The following PCDHGB7 variants were observed in gnomAD, a reference collection of about 807,000 sequenced individuals.
PCDHGB7 encodes protocadherin gamma subfamily B, 7.
Under a neutral mutation model 61.4 loss-of-function variants are expected in PCDHGB7, and 37 were observed. That is an observed-to-expected ratio of 0.60 (90% CI 0.46 to 0.79). The LOEUF (loss-of-function observed/expected upper bound fraction) is 0.79, where lower values mean the gene tolerates loss of function less well. PCDHGB7 is among the 30% of genes least tolerant of loss of function. The pLI is 0.00. For synonymous variants in PCDHGB7, 464 were observed against 503.5 expected (o/e 0.92, Z 1.05); for missense variants, 1,166 against 1,202.5 (o/e 0.97, Z 0.45).
chr5:141,469,762 A>G (rs547099941), intron 1 of PCDHGB7, among the ~76,000 whole-genome samples: 15 of 152,360 alleles, frequency 9.8e-5, no homozygotes, highest in African/African-American at 3.4e-4. Flanking sequence ...ATACATATAT[A>G]CCAGCTTATT....
intron 1 of PCDHGB7, chr5:141,428,064 G>A: frequency 6.2e-7 from 1 of 1,609,060 alleles, no homozygotes; most frequent in East Asian, 2.2e-5. Flanking sequence ...GGCGGTGGAC[G>A]CAGATTCGGG....
chr5:141,444,545 C>G (rs1346405150), intron 1 of PCDHGB7, among the ~76,000 whole-genome samples: 1 of 152,042 alleles, frequency 6.6e-6, no homozygotes, highest in Non-Finnish European at 1.5e-5. Context: ...GTCTAGTGAG[C>G]AAAAGGCACT....
At chr5:141,436,335 A>T (rs2097814208) in intron 1 of PCDHGB7, among the ~76,000 whole-genome samples, 1 of 152,172 alleles carries the variant, frequency 6.6e-6, no homozygotes, top group African/African-American at 2.4e-5. Flanking sequence ...ACCATATCTC[A>T]AATATCAGTG....
rs1412764202 is a variant in PCDHGB7, at chr5:141,486,708, C to T, written c.2416-8099C>T. The T allele has an allele frequency of 1.2e-6, 2 of 1,614,062 alleles. No individual in the cohort carries two copies. Among genetic ancestry groups the T allele is most frequent in the Non-Finnish European group, 1.7e-6 (2 of 1,180,054 alleles). ...GCTTCCTCTTTCATCTCTCTGAACC[C>T]CCAGACAGGAGCTGTTCATGCTACT... On this transcript the variant is annotated intron_variant, in intron 1 of 3. Coordinates refer to ENST00000398594, the MANE Select transcript of PCDHGB7 (RefSeq NM_018927.4). This position sits in a 1 kb window ranked among gnomAD's most constrained non-coding sequence, Gnocchi z 5.0.
Position 141,487,613 on chromosome 5 carries a change from G to C in PCDHGB7, c.2416-7194G>C, listed in dbSNP as rs1460090760. 1 of 1,614,218 alleles carries C rather than the reference G, an allele frequency of 6.2e-7. No homozygotes were observed. ...ACCCTCTGATCTTCTCTATGGGCTA[G>C]AGGTGAGACCTTTGCAGGCTCAACA... On this transcript the variant is annotated intron_variant, in intron 1 of 3. Coordinates refer to ENST00000398594, the MANE Select transcript of PCDHGB7 (RefSeq NM_018927.4). The surrounding 1 kb of genome is among the most constrained non-coding windows in gnomAD (Gnocchi z 5.0).
Position 141,490,732 on chromosome 5 carries a change from G to T in PCDHGB7, c.2416-4075G>T, listed in dbSNP as rs775388969. 4 of 1,614,188 alleles carry T rather than the reference G, an allele frequency of 2.5e-6. No individual in the cohort carries two copies. Among genetic ancestry groups the T allele is most frequent in the Non-Finnish European group, 3.4e-6 (4 of 1,180,042 alleles). ...CACCTACTCCATTGTAGGAAATCAGGTTCAGGGAGCCCCAGCCTCCTCCTT... is the reference window on the plus strand; with the variant it reads ...CACCTACTCCATTGTAGGAAATCAGTTTCAGGGAGCCCCAGCCTCCTCCTT... On this transcript the variant is annotated intron_variant, in intron 1 of 3. Transcript: ENST00000398594. The surrounding 1 kb of genome is among the most constrained non-coding windows in gnomAD (Gnocchi z 5.4).
chr5:141,496,081 C>A (rs976166091), intron 2 of PCDHGB7, among the ~76,000 whole-genome samples: 1 of 152,060 alleles, frequency 6.6e-6, no homozygotes, highest in Non-Finnish European at 1.5e-5. Flanking sequence ...CACAACCCCC[C>A]ACCCACCACC....
At position 141,476,030 on chromosome 5, in the gene PCDHGB7, G is replaced by A; in HGVS notation, c.2416-18777G>A. On this transcript the variant is annotated intron_variant, in intron 1 of 3. Coordinates refer to ENST00000398594, the MANE Select transcript of PCDHGB7 (RefSeq NM_018927.4). This position sits in a 1 kb window ranked among gnomAD's most constrained non-coding sequence, Gnocchi z 7.6. ...AAAGCCATGTCGGACTCGGCGCCCA[G>A]CGCCCAAGCGCTAACCCGCTGAAAG... 2.7e-6 allele frequency: 4 copies of A among 1,459,176 alleles called. No individual in the cohort carries two copies. The highest frequency in any genetic ancestry group is 3.6e-6 in the Non-Finnish European group (4 of 1,096,658). The allele number at this position is 1,459,176 out of a possible 1,614,324, so 90.4% of individuals were successfully genotyped here. A position where few individuals can be genotyped will look rare whatever the true frequency, so the allele number is the denominator to read the frequency against.
rs747283905 is a variant in PCDHGB7, at chr5:141,491,693, G to A, written c.2416-3114G>A. On this transcript the variant is annotated intron_variant, in intron 1 of 3. Transcript: ENST00000398594. The surrounding 1 kb of genome is among the most constrained non-coding windows in gnomAD (Gnocchi z 6.9). ...TCCCGCTCTAATACGCTGCGGGAGC[G>A]GAGCCAGGTGAGGGGCTCGGCGCCG... 3.7e-5 allele frequency: 59 copies of A among 1,612,434 alleles called. No homozygotes were observed. Among genetic ancestry groups the A allele is most frequent in the Non-Finnish European group, 4.7e-5 (55 of 1,179,352 alleles).
intron 1 of PCDHGB7, among the ~76,000 whole-genome samples, chr5:141,460,987 ATATATATATGTG>A (rs2099005819): frequency 1.1e-5 from 1 of 92,944 alleles, no homozygotes; most frequent in Admixed American, 9.9e-5. Flanking sequence ...GTGTGTGTAT[ATATATATATGTG>A]TATATATATA....
At chr5:141,459,930 T>C (rs1385764489) in intron 1 of PCDHGB7, among the ~76,000 whole-genome samples, 1 of 152,176 alleles carries the variant, frequency 6.6e-6, no homozygotes, top group East Asian at 1.9e-4. Context: ...TATATCCTTG[T>C]AGCTGGGCGT....
Position 141,431,215 on chromosome 5 carries a change from C to T in PCDHGB7, c.2415+10941C>T, listed in dbSNP as rs1225114172. On this transcript the variant is annotated intron_variant, in intron 1 of 3. Transcript: ENST00000398594. The surrounding 1 kb of genome is among the most constrained non-coding windows in gnomAD (Gnocchi z 4.8). ...AAAATGCAGCCACTGAGATGCGGTT[C>T]CCTCTACCCCACGCCTGGGATCCGG... is the stretch of plus-strand genomic sequence containing the variant. 2.5e-6 allele frequency: 4 copies of T among 1,614,066 alleles called. No homozygotes were observed. The highest frequency in any genetic ancestry group is 1.3e-5 in the African/African-American group (1 of 74,942).
chr5:141,456,098 C>A (rs1222639126), intron 1 of PCDHGB7, among the ~76,000 whole-genome samples: 1 of 151,980 alleles, frequency 6.6e-6, no homozygotes. Context: ...GGGATTTCAC[C>A]GTGTTAGCCA....
At chr5:141,433,208 CTT>C (rs745329085) in intron 1 of PCDHGB7, 289 of 1,287,502 alleles carry the variant, frequency 2.2e-4, no homozygotes, top group South Asian at 2.8e-4. Context: ...AATCTTCTTT[CTT>C]TTTTTTTTTT....
At position 141,490,954 on chromosome 5, in the gene PCDHGB7, G is replaced by A. The variant is rs749646808; in HGVS notation, c.2416-3853G>A. On this transcript the variant is annotated intron_variant, in intron 1 of 3. Coordinates refer to ENST00000398594, the MANE Select transcript of PCDHGB7 (RefSeq NM_018927.4). This position sits in a 1 kb window ranked among gnomAD's most constrained non-coding sequence, Gnocchi z 5.4. ...TGTGCTGCACCCACGGCCAGACTGGGAACACTCAGCCCCCCAGCGTCTCCC... is the reference window on the plus strand; with the variant it reads ...TGTGCTGCACCCACGGCCAGACTGGAAACACTCAGCCCCCCAGCGTCTCCC... 9 of 1,613,662 alleles carry A rather than the reference G, an allele frequency of 5.6e-6. No individual in the cohort carries two copies. The African/African-American group carries it at 8.0e-5, about 14-fold the overall frequency.
At chr5:141,462,152 G>C (rs1336635196) in intron 1 of PCDHGB7, among the ~76,000 whole-genome samples, 6 of 152,034 alleles carry the variant, frequency 3.9e-5, no homozygotes, top group African/African-American at 7.2e-5. Flanking sequence ...TAGAGATGGG[G>C]TTTCATCATG....
rs181806844 is a variant in PCDHGB7 at position 141,445,046 on chromosome 5, G to T, written c.2415+24772G>T. Among the ~76,000 whole-genome samples the T allele has an allele frequency of 1.2e-4, 19 of 152,248 alleles. No individual in the cohort carries two copies. The East Asian group carries it at 3.7e-3, about 29-fold the overall frequency. ...TCAGCTATGTTGTATAGTTTTCAGT[G>T]TAGAGAGGTCATGTATATTTCTCAT... On this transcript the variant is annotated intron_variant, in intron 1 of 3. Transcript: ENST00000398594.
chr5:141,454,762 G>C (rs889314181), intron 1 of PCDHGB7, among the ~76,000 whole-genome samples: 4 of 115,056 alleles, frequency 3.5e-5, no homozygotes, highest in African/African-American at 6.6e-5. Context: ...ATCTTGACAT[G>C]TTTTTTACAA....
chr5:141,421,207 A>G (rs1318794693), intron 1 of PCDHGB7: 3 of 1,533,934 alleles, frequency 2.0e-6, no homozygotes, highest in Non-Finnish European at 2.6e-6. Context: ...GAAACCGCGG[A>G]ATATCGGCTT....
Sources: gnomAD v4.1 joint callset for allele counts (sites outside exome capture counted in the v4.1 genomes callset) on GRCh38, gnomAD v4.1.1 for gene constraint, Gnocchi (gnomAD v3.1) non-coding constraint, MANE v1.5 for transcripts, NCBI Gene and HGNC (gene_info 2026-07-23, HGNC 2026-07-21) for gene names.